RCAN1: variants seen among roughly 807,000 people sequenced by gnomAD.
The protein encoded by RCAN1 is calcipressin-1.
In RCAN1, 11 loss-of-function variants were observed where a neutral mutation model predicts 22.9. The ratio of observed to expected loss-of-function variants is 0.48; its 90% CI spans 0.30 to 0.79. The LOEUF (loss-of-function observed/expected upper bound fraction) is 0.79, where lower values mean the gene tolerates loss of function less well. Ranked by LOEUF, RCAN1 falls within the 30% of genes least tolerant of loss-of-function variation. RCAN1 has a pLI of 0.06. For synonymous variants in RCAN1, 136 were observed against 142.3 expected (o/e 0.96, Z 0.32); for missense variants, 291 against 337.8 (o/e 0.86, Z 1.09).
chr21:34,555,682 G>A lies in RCAN1; in HGVS notation c.253-31972C>T, dbSNP rs916280059. Among the ~76,000 whole-genome samples, 4 of 152,120 alleles carry A rather than the reference G, an allele frequency of 2.6e-5. No homozygotes were observed. In the East Asian group the frequency reaches 5.8e-4, roughly 22 times the overall value. On this transcript the variant is annotated intron_variant, in intron 1 of 3. Coordinates refer to ENST00000313806, the MANE Select transcript of RCAN1 (RefSeq NM_004414.7). ...ACTGATCATTGTTGAGGCTGGGTGAGGAGCTGAATATAGGGAGTTCATTAG... is the reference window on the plus strand; with the variant it reads ...ACTGATCATTGTTGAGGCTGGGTGAAGAGCTGAATATAGGGAGTTCATTAG...
intron 1 of RCAN1, chr21:34,613,872 A>T (rs951853297): frequency 2.1e-6 from 3 of 1,400,418 alleles, no homozygotes; most frequent in Non-Finnish European, 2.8e-6. Context: ...CCCACAGCCA[A>T]GCGCTGAAAG....
At chr21:34,537,980 T>C (rs544871275) in intron 1 of RCAN1, among the ~76,000 whole-genome samples, 1 of 152,230 alleles carries the variant, frequency 6.6e-6, no homozygotes, top group Non-Finnish European at 1.5e-5. Context: ...GACATGGTTA[T>C]AGCGACGATC....
At chr21:34,583,077 T>C (rs1474928515) in intron 1 of RCAN1, among the ~76,000 whole-genome samples, 1 of 152,150 alleles carries the variant, frequency 6.6e-6, no homozygotes, top group African/African-American at 2.4e-5. Context: ...AACAGCATTA[T>C]GGACTGAACT....
intron 1 of RCAN1, among the ~76,000 whole-genome samples, chr21:34,599,783 A>G (rs1032678439): frequency 3.3e-5 from 5 of 152,188 alleles, no homozygotes; most frequent in Non-Finnish European, 7.3e-5. Flanking sequence ...TCATAAAAAA[A>G]TCATCTAACG....
At chr21:34,601,292 G>C (rs777403628) in intron 1 of RCAN1, among the ~76,000 whole-genome samples, 1 of 152,166 alleles carries the variant, frequency 6.6e-6, no homozygotes, top group African/African-American at 2.4e-5. Context: ...CCCTCTATTT[G>C]TATTATGTCT....
intron 1 of RCAN1, among the ~76,000 whole-genome samples, chr21:34,585,746 A>G (rs1363983517): frequency 6.7e-6 from 1 of 150,176 alleles, no homozygotes; most frequent in Non-Finnish European, 1.5e-5. Flanking sequence ...CCATCTCAAA[A>G]AAAAAAAAAA....
intron 1 of RCAN1, among the ~76,000 whole-genome samples, chr21:34,600,859 G>A (rs930573890): frequency 4.6e-5 from 7 of 152,344 alleles, no homozygotes; most frequent in African/African-American, 1.7e-4. Context: ...AGCCATGCCA[G>A]TCTGCTGGCA....
At chr21:34,544,510 A>T (rs1483554877) in intron 1 of RCAN1, among the ~76,000 whole-genome samples, 4 of 152,196 alleles carry the variant, frequency 2.6e-5, no homozygotes, top group African/African-American at 7.2e-5. Flanking sequence ...TGTTGTGCAC[A>T]TGGTGATTTC....
intron 1 of RCAN1, among the ~76,000 whole-genome samples, chr21:34,601,111 T>A (rs1988324373): frequency 6.6e-6 from 1 of 152,258 alleles, no homozygotes; most frequent in South Asian, 2.1e-4. Context: ...TTCATGATGA[T>A]GTTTTACTTC....
chr21:34,556,601 TACTC>T (rs1986584279), intron 1 of RCAN1, among the ~76,000 whole-genome samples: 1 of 152,210 alleles, frequency 6.6e-6, no homozygotes, highest in Non-Finnish European at 1.5e-5. Context: ...AGGTCTCTGA[TACTC>T]TGATGATACT....
At chr21:34,543,268 G>A (rs1424574651) in intron 1 of RCAN1, among the ~76,000 whole-genome samples, 1 of 152,190 alleles carries the variant, frequency 6.6e-6, no homozygotes, top group Non-Finnish European at 1.5e-5. Flanking sequence ...TTGAGACTAG[G>A]AGATGATGGA....
At chr21:34,531,988 C>A (rs548209860) in intron 1 of RCAN1, among the ~76,000 whole-genome samples, 1 of 152,252 alleles carries the variant, frequency 6.6e-6, no homozygotes, top group South Asian at 2.1e-4. Flanking sequence ...GGTATAGAGA[C>A]CACCACAACC....
intron 1 of RCAN1, among the ~76,000 whole-genome samples, chr21:34,580,824 G>A (rs1387635751): frequency 6.6e-6 from 1 of 152,218 alleles, no homozygotes; most frequent in Non-Finnish European, 1.5e-5. Context: ...AGGACCCTGT[G>A]ATATCCCTCC....
At chr21:34,595,072 T>C (rs1988102023) in intron 1 of RCAN1, among the ~76,000 whole-genome samples, 1 of 152,236 alleles carries the variant, frequency 6.6e-6, no homozygotes, top group African/African-American at 2.4e-5. Flanking sequence ...ACAGGGTTTA[T>C]GTGAGGATGA....
intron 1 of RCAN1, chr21:34,526,596 G>A: frequency 2.0e-6 from 3 of 1,484,938 alleles, no homozygotes; most frequent in South Asian, 2.5e-5. Flanking sequence ...CAAGTATTCA[G>A]TTAATAGTCC....
chr21:34,534,117 G>A (rs1016646561), intron 1 of RCAN1, among the ~76,000 whole-genome samples: 2 of 152,152 alleles, frequency 1.3e-5, no homozygotes, highest in Non-Finnish European at 2.9e-5. Context: ...AAGTACTCTG[G>A]TTTCTGTGTT....
chr21:34,574,922 G>A (rs1428621510), intron 1 of RCAN1, among the ~76,000 whole-genome samples: 1 of 152,212 alleles, frequency 6.6e-6, no homozygotes. Flanking sequence ...AGGTTTTAGC[G>A]TCAAATTATG....
intron 1 of RCAN1, among the ~76,000 whole-genome samples, chr21:34,603,946 G>A (rs1988442891): frequency 6.6e-6 from 1 of 152,208 alleles, no homozygotes; most frequent in Non-Finnish European, 1.5e-5. Context: ...TTGGATGACA[G>A]GCATAAGCCA....
intron 1 of RCAN1, among the ~76,000 whole-genome samples, chr21:34,578,328 C>G (rs959961602): frequency 1.3e-5 from 2 of 152,140 alleles, no homozygotes; most frequent in Admixed American, 6.6e-5. Flanking sequence ...TAGACAGGAT[C>G]CAGAAAATAA....
Sources: allele counts gnomAD v4.1 joint callset (sites outside exome capture counted in the v4.1 genomes callset), GRCh38; gene constraint gnomAD v4.1.1; transcripts MANE v1.5; gene names NCBI Gene and HGNC (gene_info 2026-07-23, HGNC 2026-07-21).